Variants in HTT-AS observed in about 807,000 individuals in gnomAD.
HTT-AS encodes HTT antisense RNA, also known as HTT antisense RNA (head to head).
chr4:3,055,556 C>G (rs1164476463), intron 2 of HTT-AS, among the ~76,000 whole-genome samples: 1 of 152,192 alleles, frequency 6.6e-6, no homozygotes, highest in African/African-American at 2.4e-5. Flanking sequence ...TGTCAGTGCA[C>G]TGTTGTTCAT....
intron 2 of HTT-AS, among the ~76,000 whole-genome samples, chr4:3,057,697 G>A (rs1202778145): frequency 6.6e-6 from 1 of 151,514 alleles, no homozygotes; most frequent in Non-Finnish European, 1.5e-5. Context: ...GTGCAGTGGC[G>A]ATCTCGGCTC....
intron 1 of HTT-AS, among the ~76,000 whole-genome samples, chr4:3,070,743 T>C (rs1712157614): frequency 1.3e-5 from 2 of 152,254 alleles, no homozygotes; most frequent in South Asian, 4.1e-4. Context: ...TGTGGCTATG[T>C]TGGGATTCCT....
At chr4:3,050,014 C>T (rs751168309) in intron 2 of HTT-AS, among the ~76,000 whole-genome samples, 6 of 150,518 alleles carry the variant, frequency 4.0e-5, no homozygotes, top group Admixed American at 6.7e-5. Flanking sequence ...GGTGCAATCT[C>T]GGCTCACTCC....
intron 2 of HTT-AS, among the ~76,000 whole-genome samples, chr4:3,057,606 G>A (rs892429714): frequency 3.3e-5 from 5 of 152,064 alleles, no homozygotes. Context: ...GATGGCCGCT[G>A]GTTGGCTATT....
exon 2 of HTT-AS, among the ~76,000 whole-genome samples, chr4:3,063,126 G>A (rs749852799): frequency 6.6e-6 from 1 of 152,162 alleles, no homozygotes; most frequent in Non-Finnish European, 1.5e-5. Context: ...GTTGAAGTAA[G>A]TGCTACAAAG....
At chr4:3,074,530 T>TGCGGGG (rs113331544) in exon 1 of HTT-AS, 18,776 of 304,274 alleles carry the variant, frequency 0.062, 1,399 homozygotes, top group African/African-American at 0.22. Context: ...AGGCAGAACC[T>TGCGGGG]GCGGGGGCAG....
downstream of HTT-AS, among the ~76,000 whole-genome samples, chr4:3,046,930 G>A (rs1711597375): frequency 6.6e-6 from 1 of 152,202 alleles, no homozygotes; most frequent in East Asian, 1.9e-4. Context: ...TTAGGTGAGT[G>A]TGGGCGGCAA....
downstream of HTT-AS, among the ~76,000 whole-genome samples, chr4:3,047,033 C>T (rs148491039): frequency 2.5e-3 from 381 of 152,264 alleles, 1 homozygote; most frequent in African/African-American, 8.7e-3. Flanking sequence ...TATACTAGGC[C>T]GGGCGCAGTG....
At chr4:3,061,956 C>T (rs1373588464) in intron 2 of HTT-AS, among the ~76,000 whole-genome samples, 5 of 143,048 alleles carry the variant, frequency 3.5e-5, no homozygotes, top group Admixed American at 7.2e-5. Context: ...CACTCCAGCC[C>T]GGACGACAGG....
At chr4:3,060,235 C>T (rs976526473) in intron 2 of HTT-AS, among the ~76,000 whole-genome samples, 3 of 152,128 alleles carry the variant, frequency 2.0e-5, no homozygotes, top group Non-Finnish European at 4.4e-5. Context: ...TCTACATTTC[C>T]TTACTAATCT....
chr4:3,057,465 C>A (rs939122762), intron 2 of HTT-AS, among the ~76,000 whole-genome samples: 38 of 152,268 alleles, frequency 2.5e-4, no homozygotes, highest in African/African-American at 8.9e-4. Flanking sequence ...GGTCCCAATG[C>A]TGACCCCAAG....
downstream of HTT-AS, among the ~76,000 whole-genome samples, chr4:3,047,522 C>T (rs1389808713): frequency 2.0e-5 from 3 of 152,130 alleles, no homozygotes; most frequent in African/African-American, 4.8e-5. Flanking sequence ...TGAGAAGTGA[C>T]CAGAAGACGA....
chr4:3,054,214 A>G (rs1711766483), intron 2 of HTT-AS, among the ~76,000 whole-genome samples: 1 of 151,808 alleles, frequency 6.6e-6, no homozygotes, highest in Non-Finnish European at 1.5e-5. Context: ...TAAATTTTAT[A>G]TAAGAAAGGA....
chr4:3,070,593 T>C (rs1268251513), intron 1 of HTT-AS, among the ~76,000 whole-genome samples: 2 of 152,138 alleles, frequency 1.3e-5, no homozygotes, highest in African/African-American at 4.8e-5. Context: ...CCTTCATCTC[T>C]CTTCTGTGTA....
intron 1 of HTT-AS, among the ~76,000 whole-genome samples, chr4:3,074,041 T>A (rs1034270613): frequency 8.6e-6 from 1 of 115,842 alleles, no homozygotes; most frequent in Admixed American, 8.9e-5. Context: ...CCGTCCTTCA[T>A]GGGCGAGCCC....
intron 2 of HTT-AS, among the ~76,000 whole-genome samples, chr4:3,060,563 C>T (rs762006160): frequency 1.4e-4 from 22 of 152,170 alleles, no homozygotes; most frequent in Non-Finnish European, 1.6e-4. Flanking sequence ...AGAAAGTCCT[C>T]GGTAAGGTTT....
At chr4:3,064,781 C>T (rs1312181391) in intron 1 of HTT-AS, among the ~76,000 whole-genome samples, 1 of 152,134 alleles carries the variant, frequency 6.6e-6, no homozygotes, top group Non-Finnish European at 1.5e-5. Flanking sequence ...TCTAGAAAAA[C>T]AAAACTTCCC....
chr4:3,074,602 C>G (rs1368921429), upstream of HTT-AS: 5 of 394,656 alleles, frequency 1.3e-5, no homozygotes, highest in Admixed American at 5.5e-5. Flanking sequence ...GTCAATCATG[C>G]TGGCCGGCGT....
At chr4:3,071,524 G>A (rs1297714021) in intron 1 of HTT-AS, among the ~76,000 whole-genome samples, 5 of 152,184 alleles carry the variant, frequency 3.3e-5, no homozygotes. Flanking sequence ...GACAGGGACT[G>A]TCATACACTA....
Sources: gnomAD v4.1 joint callset for allele counts (sites outside exome capture counted in the v4.1 genomes callset) on GRCh38, gnomAD v4.1.1 for gene constraint, MANE v1.5 for transcripts, NCBI Gene and HGNC (gene_info 2026-07-23, HGNC 2026-07-21) for gene names.